AK9: variants seen among roughly 807,000 people sequenced by gnomAD.
AK9 encodes adenylate kinase domain containing 1.
A neutral mutation model predicts 239.6 loss-of-function variants in AK9; 191 were observed. The ratio of observed to expected loss-of-function variants is 0.80; its 90% confidence interval spans 0.71 to 0.90. The LOEUF is 0.90. Ranked by LOEUF, AK9 falls within the 40% of genes least tolerant of loss-of-function variation. AK9 has a pLI of 0.00. For synonymous variants in AK9, 689 were observed against 721.0 expected (o/e 0.96, Z 0.71); for missense variants, 1,995 against 2,214.7 (o/e 0.90, Z 1.99).
intron 17 of AK9, 66 bp from the exon 18 acceptor site, chr6:109,586,138 G>A (rs1789479314): frequency 9.4e-6 from 12 of 1,277,372 alleles, no homozygotes; most frequent in Non-Finnish European, 2.1e-6. Flanking sequence ...ACCTTGATAT[G>A]TAATTTTTGT....
At position 109,519,094 on chromosome 6, in the gene AK9, A is replaced by G. The variant is rs201444787; in HGVS notation, c.3634-2452T>C. ...TTTCTGTTCCTGTGTTAATTTGCTC[A>G]GGATAATGGCTTCCAGCTGCATCCA... On this transcript the variant is annotated intron_variant, in intron 29 of 40. Transcript: ENST00000424296. 2.6e-4 allele frequency among the ~76,000 whole-genome samples: 39 copies of G among 152,306 alleles called. No homozygotes were observed. In the East Asian group the frequency reaches 6.2e-3, roughly 24 times the overall value.
At chr6:109,643,450 A>G (rs1410551082) in intron 9 of AK9, among the ~76,000 whole-genome samples, 1 of 152,224 alleles carries the variant, frequency 6.6e-6, no homozygotes, top group East Asian at 1.9e-4. Flanking sequence ...TTTTCTGTCC[A>G]TTCCTGTGTT....
At chr6:109,549,177 A>G (rs1041255934) in intron 25 of AK9, among the ~76,000 whole-genome samples, 19 of 152,166 alleles carry the variant, frequency 1.2e-4, no homozygotes, top group African/African-American at 4.3e-4. Flanking sequence ...CACTCAAACA[A>G]TTTTAAATTG....
At chr6:109,556,508 T>C (rs765012127) in intron 24 of AK9, among the ~76,000 whole-genome samples, 10 of 152,096 alleles carry the variant, frequency 6.6e-5, no homozygotes, top group Non-Finnish European at 1.3e-4. Flanking sequence ...TCATGGAGTA[T>C]CTTAATGGTG....
intron 17 of AK9, among the ~76,000 whole-genome samples, chr6:109,609,957 G>A (rs1377466971): frequency 6.6e-6 from 1 of 152,076 alleles, no homozygotes; most frequent in African/African-American, 2.4e-5. Context: ...ATGAACACAT[G>A]TTCAAGTTGG....
chr6:109,595,901 G>T (rs893938451), intron 17 of AK9, among the ~76,000 whole-genome samples: 11 of 152,112 alleles, frequency 7.2e-5, no homozygotes, highest in Admixed American at 7.2e-4. Context: ...ACCTAATGTA[G>T]ATGATGGGTT....
chr6:109,632,854 C>G (rs187461153), intron 12 of AK9, 69 bp downstream of exon 12: 4 of 1,462,358 alleles, frequency 2.7e-6, no homozygotes, highest in Non-Finnish European at 3.6e-6. Context: ...AGATACATGA[C>G]AGATAGACAT....
intron 35 of AK9, 117 bp downstream of exon 35, chr6:109,506,210 A>C: frequency 1.2e-6 from 1 of 863,300 alleles, no homozygotes; most frequent in Non-Finnish European, 1.8e-6. Context: ...AAGTATTGAA[A>C]TACTTATTAA....
chr6:109,558,039 T>C (rs1047258966), intron 24 of AK9, among the ~76,000 whole-genome samples: 11 of 152,168 alleles, frequency 7.2e-5, no homozygotes, highest in African/African-American at 2.7e-4. Context: ...TATATTTTAG[T>C]TGGTGAAGTA....
chr6:109,646,342 C>A (rs1423596453), intron 8 of AK9, among the ~76,000 whole-genome samples: 1 of 151,944 alleles, frequency 6.6e-6, no homozygotes, highest in South Asian at 2.1e-4. Flanking sequence ...AGGTAAAAAC[C>A]TTGAAAAAAG....
intron 24 of AK9, among the ~76,000 whole-genome samples, chr6:109,555,464 G>A (rs559566092): frequency 6.6e-6 from 1 of 152,282 alleles, no homozygotes; most frequent in Non-Finnish European, 1.5e-5. Context: ...GTGCCATGTG[G>A]CACTGAGAAG....
intron 32 of AK9, among the ~76,000 whole-genome samples, chr6:109,511,040 T>C (rs1267457922): frequency 6.6e-6 from 1 of 151,716 alleles, no homozygotes; most frequent in African/African-American, 2.4e-5. Flanking sequence ...ATAGATCTGG[T>C]TAATGAACCA....
intron 5 of AK9, among the ~76,000 whole-genome samples, chr6:109,668,049 C>G (rs1197007706): frequency 6.6e-6 from 1 of 152,204 alleles, no homozygotes; most frequent in East Asian, 1.9e-4. Context: ...TCGCCACATC[C>G]TCTCCAGCAC....
chr6:109,619,473 G>A (rs961729725), intron 12 of AK9, among the ~76,000 whole-genome samples: 3 of 151,930 alleles, frequency 2.0e-5, no homozygotes, highest in Non-Finnish European at 4.4e-5. Context: ...TATTTATCAT[G>A]TAGTATATAT....
chr6:109,496,571 G>T lies in AK9; in HGVS notation c.5315+894C>A, dbSNP rs1375285349. ...GAGGAGCATTTAAACCTGTTGCCAT[G>T]CCATCCCTCCCCTCCGCCTCCCTCA... is the stretch of plus-strand genomic sequence containing the variant. On this transcript the variant is annotated intron_variant, in intron 38 of 40. Transcript: ENST00000424296. Among the ~76,000 whole-genome samples, 3 of 151,976 alleles carry T rather than the reference G, an allele frequency of 2.0e-5. No individual in the cohort carries two copies. The East Asian group carries it at 5.8e-4, about 29-fold the overall frequency.
intron 29 of AK9, among the ~76,000 whole-genome samples, chr6:109,517,027 G>A (rs536435725): frequency 3.1e-4 from 47 of 152,178 alleles, no homozygotes; most frequent in African/African-American, 1.1e-3. Context: ...TGAGTTCCTT[G>A]GTGGTAGTCT....
chr6:109,593,100 G>A (rs1250313715), intron 17 of AK9, among the ~76,000 whole-genome samples: 1 of 151,948 alleles, frequency 6.6e-6, no homozygotes, highest in Non-Finnish European at 1.5e-5. Context: ...TAATTCAGAA[G>A]CCCTGTCTTG....
chr6:109,523,882 C>T lies in AK9; in HGVS notation c.3633+5129G>A, dbSNP rs142493271. ...AAAGTTTATCTTACCAAGTTAATTG[C>T]CTGCTAAAACAAAAACCTCAGTTCT... On this transcript the variant is annotated intron_variant, in intron 29 of 40. Coordinates refer to ENST00000424296, the MANE Select transcript of AK9 (RefSeq NM_001145128.3). Among the ~76,000 whole-genome samples the T allele has an allele frequency of 6.2e-4, 95 of 152,252 alleles. 1 individual carries two copies. The East Asian group carries it at 0.012, about 19-fold the overall frequency.
chr6:109,546,099 C>A lies in AK9; in HGVS notation c.2993G>T (p.Gly998Val). ...CATAGTTTTGCCAGAGCCCTGGGGGCCGACAAGGCATATTCTTAATGGAGG... is the reference window on the plus strand; with the variant it reads ...CATAGTTTTGCCAGAGCCCTGGGGGACGACAAGGCATATTCTTAATGGAGG... The part of the protein sequence containing the change: ...KAPPLRICLV[G>V]PQGSGKTMCG... The change falls in exon 26 of 41, where the codon GGC (glycine) becomes GTC (valine). Residue 998 changes from glycine (G) to valine (V), a missense_variant. By Grantham distance (109) the Gly-to-Val change is moderately radical (BLOSUM62 -3). This residue lies in a region of AK9 where 1,290 missense variants were observed against 1,392.7 expected (regional missense o/e 0.93). Transcript: ENST00000424296. 1 of 1,607,912 alleles carries A rather than the reference C, an allele frequency of 6.2e-7. No homozygotes were observed. Among genetic ancestry groups the A allele is most frequent in the Non-Finnish European group, 8.5e-7 (1 of 1,176,956 alleles).
Sources: allele counts gnomAD v4.1 joint callset (sites outside exome capture counted in the v4.1 genomes callset), GRCh38; gene constraint gnomAD v4.1.1; regional missense constraint gnomAD v4.1.1; transcripts MANE v1.5; gene names NCBI Gene and HGNC (gene_info 2026-07-23, HGNC 2026-07-21).